NAV2: variants seen among roughly 807,000 people sequenced by gnomAD.
NAV2 encodes the protein neuron navigator 2.
Under a neutral mutation model 223.2 loss-of-function variants are expected in NAV2, and 54 were observed. That is an observed-to-expected ratio of 0.24 (90% CI 0.19 to 0.30). The LOEUF (loss-of-function observed/expected upper bound fraction) is 0.30. Ranked by LOEUF, NAV2 falls within the 10% of genes least tolerant of loss-of-function variation. The pLI is 1.00. For missense variants in NAV2, 2,806 were observed against 3,147.5 expected, an observed-to-expected ratio of 0.89 and a Z score of 2.60; for synonymous variants, 1,279 against 1,239.3, an observed-to-expected ratio of 1.03 and a Z score of -0.67.
chr11:20,079,694 A>G (rs1192894210), intron 24 of NAV2, among the ~76,000 whole-genome samples: 4 of 152,182 alleles, frequency 2.6e-5, no homozygotes, highest in Non-Finnish European at 5.9e-5. Flanking sequence ...CAAGAAGGCC[A>G]CTGTGACAGG....
At chr11:19,483,869 CAG>C (rs1343459688) in intron 1 of NAV2, among the ~76,000 whole-genome samples, 1 of 152,000 alleles carries the variant, frequency 6.6e-6, no homozygotes, top group Non-Finnish European at 1.5e-5. Context: ...CTGGGGCACA[CAG>C]AGGTAAAATG....
chr11:19,723,018 A>C (rs535377726), intron 1 of NAV2, among the ~76,000 whole-genome samples: 2 of 152,258 alleles, frequency 1.3e-5, no homozygotes, highest in Non-Finnish European at 2.9e-5. Flanking sequence ...ATGGCACTGC[A>C]GCAGACTGGA....
chr11:20,014,298 G>A (rs1591661800), intron 11 of NAV2, among the ~76,000 whole-genome samples: 2 of 152,158 alleles, frequency 1.3e-5, no homozygotes, highest in Admixed American at 6.5e-5. Flanking sequence ...CCAAAGAGTA[G>A]CACTGAAACA....
intron 29 of NAV2, among the ~76,000 whole-genome samples, chr11:20,093,571 C>A (rs944559808): frequency 6.6e-6 from 1 of 152,090 alleles, no homozygotes; most frequent in Non-Finnish European, 1.5e-5. Context: ...ATAAACTGAC[C>A]ACATGCAGCC....
chr11:19,579,714 A>G lies in NAV2; in HGVS notation c.75+228687A>G, dbSNP rs76998477. Reference sequence around the variant, plus strand: ...CTGGAATTCAGTAAGTGTACATAGTAAGCACCCAATAAATGTTAGTTGTTA... The same window carrying G: ...CTGGAATTCAGTAAGTGTACATAGTGAGCACCCAATAAATGTTAGTTGTTA... On this transcript the variant is annotated intron_variant, in intron 1 of 37. Transcript: ENST00000360655. 2.5e-3 allele frequency among the ~76,000 whole-genome samples: 377 copies of G among 152,312 alleles called. 1 individual carries two copies. Among genetic ancestry groups the G allele is most frequent in the African/African-American group, 8.7e-3 (363 of 41,566 alleles).
At chr11:20,028,926 A>T (rs1251453328) in intron 11 of NAV2, among the ~76,000 whole-genome samples, 1 of 152,230 alleles carries the variant, frequency 6.6e-6, no homozygotes, top group Admixed American at 6.5e-5. Context: ...CAGGTAGCAC[A>T]TGTGAACTGA....
chr11:19,865,862 C>T (rs891380224), intron 3 of NAV2, among the ~76,000 whole-genome samples: 1 of 85,750 alleles, frequency 1.2e-5, no homozygotes, highest in African/African-American at 4.4e-5. Flanking sequence ...TGTCTATGTG[C>T]TCTGATTCTT....
At chr11:19,758,095 C>T (rs2054387191) in intron 1 of NAV2, among the ~76,000 whole-genome samples, 1 of 152,070 alleles carries the variant, frequency 6.6e-6, no homozygotes, top group African/African-American at 2.4e-5. Flanking sequence ...AATATTATCC[C>T]CTCCACTTCA....
At chr11:19,511,647 A>G (rs2134234965) in intron 1 of NAV2, 1 of 152,318 alleles carries the variant, frequency 6.6e-6, no homozygotes, top group African/African-American at 2.4e-5. Context: ...GACGCTGTTT[A>G]CTTCTCACTG....
the NAV2 span, among the ~76,000 whole-genome samples, chr11:19,345,387 T>C: frequency 6.6e-6 from 1 of 152,110 alleles, no homozygotes; most frequent in African/African-American, 2.4e-5. This position sits in a 1 kb window ranked among gnomAD's most constrained non-coding sequence, Gnocchi z 5.2. Flanking sequence ...CCTGGGAAAG[T>C]TTGCGGTGCA....
chr11:19,883,014 G>C (rs2625301), intron 5 of NAV2, among the ~76,000 whole-genome samples: 27,264 of 152,128 alleles, frequency 0.18, 3,031 homozygotes, highest in South Asian at 0.4. Flanking sequence ...TTACATCAGT[G>C]GCTCGGTCTC....
intron 4 of NAV2, among the ~76,000 whole-genome samples, chr11:19,871,760 G>T (rs2062519212): frequency 6.6e-6 from 1 of 152,114 alleles, no homozygotes; most frequent in African/African-American, 2.4e-5. Flanking sequence ...TCCTCATTCA[G>T]GTGGCCAAGA....
intron 1 of NAV2, among the ~76,000 whole-genome samples, chr11:19,549,871 TTCCTG>T (rs1402358384): frequency 1.2e-4 from 19 of 152,364 alleles, no homozygotes; most frequent in African/African-American, 4.6e-4. Context: ...AATCTGCTTT[TTCCTG>T]ATAGCCACTT....
At chr11:19,654,614 C>T (rs2048065804) in intron 1 of NAV2, among the ~76,000 whole-genome samples, 1 of 152,192 alleles carries the variant, frequency 6.6e-6, no homozygotes, top group African/African-American at 2.4e-5. Flanking sequence ...TGAACTTTGA[C>T]AAACCTGACA....
intron 1 of NAV2, among the ~76,000 whole-genome samples, chr11:19,674,474 G>A (rs1190547575): frequency 6.6e-6 from 1 of 151,888 alleles, no homozygotes; most frequent in African/African-American, 2.4e-5. Context: ...ATTCCCCAAG[G>A]GAAAAAAGGG....
chr11:19,754,598 C>A (rs1456197763), intron 1 of NAV2, among the ~76,000 whole-genome samples: 4 of 152,336 alleles, frequency 2.6e-5, no homozygotes, highest in South Asian at 2.1e-4. Context: ...AACCAGATGT[C>A]ACTCAGGTCC....
At chr11:19,939,907 C>A in intron 8 of NAV2, 134 bp downstream of exon 8, 1 of 387,402 alleles carries the variant, frequency 2.6e-6, no homozygotes, top group Non-Finnish European at 4.2e-6. Context: ...AACAAACTTT[C>A]TTTCTTTTTT....
At chr11:19,875,662 A>G (rs1159229678) in intron 4 of NAV2, among the ~76,000 whole-genome samples, 1 of 152,214 alleles carries the variant, frequency 6.6e-6, no homozygotes, top group Non-Finnish European at 1.5e-5. Context: ...AGCACAAGGA[A>G]TCTTTTTAGG....
At chr11:20,066,612 G>A (rs777354412) in intron 20 of NAV2, among the ~76,000 whole-genome samples, 3 of 152,242 alleles carry the variant, frequency 2.0e-5, no homozygotes, top group East Asian at 1.9e-4. Context: ...GGTTGAAGGC[G>A]GATCAGACAG....
Sources: allele counts gnomAD v4.1 joint callset (sites outside exome capture counted in the v4.1 genomes callset), GRCh38; gene constraint gnomAD v4.1.1; non-coding constraint Gnocchi (gnomAD v3.1); transcripts MANE v1.5; gene names NCBI Gene and HGNC (gene_info 2026-07-23, HGNC 2026-07-21).